Variants in TRIM14 observed in about 807,000 individuals in gnomAD.
The protein encoded by TRIM14 is tripartite motif containing 14.
In TRIM14, 28 loss-of-function variants were observed where a neutral mutation model predicts 44.5. The observed-to-expected ratio is 0.63, with a 90% confidence interval of 0.47 to 0.86. The LOEUF (loss-of-function observed/expected upper bound fraction) is 0.86, where lower values mean the gene tolerates loss of function less well. Ranked by LOEUF, TRIM14 falls within the 40% of genes least tolerant of loss-of-function variation. The probability of loss-of-function intolerance (pLI) is 0.00; values close to 1 mark genes in which losing one functional copy is unlikely to be tolerated. For missense variants in TRIM14, 607 were observed against 611.1 expected (o/e 0.99, Z 0.07); for synonymous variants, 299 against 269.2 (o/e 1.11, Z -1.08).
chr9:98,044,395 GAA>G, the TRIM14 span, among the ~76,000 whole-genome samples: 1 of 125,188 alleles, frequency 8.0e-6, no homozygotes, highest in African/African-American at 3.0e-5. Flanking sequence ...TTTTTTTTGA[GAA>G]AGAGTCTTGG....
the TRIM14 span, among the ~76,000 whole-genome samples, chr9:98,040,280 T>C: frequency 6.6e-6 from 1 of 152,184 alleles, no homozygotes; most frequent in Non-Finnish European, 1.5e-5. Context: ...AAGAAAGGGC[T>C]ATTTTCACTT....
At chr9:98,070,477 A>G (rs2131635436) in intron 6 of TRIM14, among the ~76,000 whole-genome samples, 1 of 152,006 alleles carries the variant, frequency 6.6e-6, no homozygotes, top group South Asian at 2.1e-4. Flanking sequence ...CCGGAGTGCA[A>G]TGGCGTGATC....
At chr9:98,106,826 T>TTA (rs201384569) in intron 2 of TRIM14, among the ~76,000 whole-genome samples, 1 of 131,772 alleles carries the variant, frequency 7.6e-6, no homozygotes. Flanking sequence ...TTCTTTCTTC[T>TTA]TTTTTTTTTT....
intron 2 of TRIM14, among the ~76,000 whole-genome samples, chr9:98,100,914 CTG>C (rs1278222106): frequency 6.6e-6 from 1 of 152,108 alleles, no homozygotes; most frequent in Non-Finnish European, 1.5e-5. Context: ...AACTAAAACA[CTG>C]TACATAAAGC....
At position 98,087,464 on chromosome 9, in the gene TRIM14, T is replaced by C. The variant is rs1339616697; in HGVS notation, c.*6A>G. ...TACCTGGAGGCTGTCACGCCGGTCC[T>C]GGCCCCTAGGGCAGCCGGGGGATGC... On this transcript the variant is annotated 3_prime_UTR_variant, in exon 6 of 6. Coordinates refer to ENST00000341469, the MANE Select transcript of TRIM14 (RefSeq NM_014788.4). 1 of 1,606,410 alleles carries C rather than the reference T, an allele frequency of 6.2e-7. No homozygotes were observed. Among genetic ancestry groups the C allele is most frequent in the Admixed American group, 1.7e-5 (1 of 59,410 alleles).
At position 98,086,410 on chromosome 9, in the gene TRIM14, T is replaced by A. The variant is rs557328766; in HGVS notation, c.*1060A>T. On this transcript the variant is annotated 3_prime_UTR_variant, in exon 6 of 6. Coordinates refer to ENST00000341469, the MANE Select transcript of TRIM14 (RefSeq NM_014788.4). ...GGCTGGGTGACCTGTGAGGCCCGCC[T>A]AACTCAGCTCTTCTGTTACTCAGTG... 1 of 152,372 alleles carries A rather than the reference T, an allele frequency of 6.6e-6. No homozygotes were observed. Among genetic ancestry groups the A allele is most frequent in the African/African-American group, 2.4e-5 (1 of 41,558 alleles). 9.4% of individuals were successfully genotyped at this position (152,372 alleles called of 1,614,324 possible).
intron 2 of TRIM14, among the ~76,000 whole-genome samples, chr9:98,101,916 G>A (rs1341282748): frequency 8.8e-5 from 13 of 147,948 alleles, no homozygotes; most frequent in Non-Finnish European, 7.4e-5. Flanking sequence ...GCTGAGGCTT[G>A]AGAATCACTT....
At chr9:98,054,367 T>C in the TRIM14 span, among the ~76,000 whole-genome samples, 519 of 152,266 alleles carry the variant, frequency 3.4e-3, 3 homozygotes, top group Middle Eastern at 0.017. Context: ...CCCCGAAATC[T>C]TACTGATTGA....
At chr9:98,100,193 A>T (rs1261747808) in intron 2 of TRIM14, 29 bp from the exon 3 acceptor site, 1 of 1,574,012 alleles carries the variant, frequency 6.4e-7, no homozygotes, top group Non-Finnish European at 8.7e-7. Flanking sequence ...GTTGCAGATG[A>T]CATGTCTGCC....
Position 98,087,777 on chromosome 9 carries a change from T to C in TRIM14, c.1022A>G (p.Tyr341Cys). 1 of 1,511,948 alleles carries C rather than the reference T, an allele frequency of 6.6e-7. No homozygotes were observed. The highest frequency in any genetic ancestry group is 1.2e-5 in the South Asian group (1 of 80,128). 93.7% of individuals were successfully genotyped at this position (1,511,948 alleles called of 1,614,324 possible). ...AGAGWWVGAA[Y>C]ASLRRRGASA... ...GGCCCCGCGGCGCCGAAGGGAGGCG[T>C]AGGCCGCGCCCACCCACCAGCCGGC... Residue 341 changes from tyrosine (Y) to cysteine (C), a missense_variant, in exon 6 of 6, where the codon TAC becomes TGC. This residue lies in a region of TRIM14 where 356 missense variants were observed against 323.0 expected (regional missense o/e 1.10). Coordinates refer to ENST00000341469, the MANE Select transcript of TRIM14 (RefSeq NM_014788.4).
At chr9:98,055,746 T>A in the TRIM14 span, among the ~76,000 whole-genome samples, 31,859 of 151,978 alleles carry the variant, frequency 0.21, 3,595 homozygotes, top group Admixed American at 0.26. Flanking sequence ...TTAATTAATT[T>A]ATTTATTTTT....
chr9:98,087,652 G>A lies in TRIM14; in HGVS notation c.1147C>T (p.Arg383Trp), dbSNP rs774476061. The A allele has an allele frequency of 1.9e-6, 3 of 1,603,796 alleles. No homozygotes were observed. In the African/African-American group the frequency reaches 4.0e-5, roughly 21 times the overall value. ...AGCCGGTCGAGGTCGTCGCGGGGCC[G>A]CAGGCGGCTGCGCTGGCCGTCGTGG... is the stretch of plus-strand genomic sequence containing the variant. ...AFHDGQRSRL[R>W]PRDDLDRLGV... is the part of the protein sequence containing the mutation. The change falls in exon 6 of 6, where the codon CGG (arginine) becomes TGG (tryptophan). Residue 383 changes from arginine (R) to tryptophan (W), a missense_variant. Coordinates refer to ENST00000341469, the MANE Select transcript of TRIM14 (RefSeq NM_014788.4).
At chr9:98,102,745 G>T (rs1282185428) in intron 2 of TRIM14, among the ~76,000 whole-genome samples, 1 of 152,020 alleles carries the variant, frequency 6.6e-6, no homozygotes, top group Non-Finnish European at 1.5e-5. Flanking sequence ...AAAAAGTTTT[G>T]GAAGTAGACA....
chr9:98,051,421 T>C, the TRIM14 span, among the ~76,000 whole-genome samples: 1 of 152,230 alleles, frequency 6.6e-6, no homozygotes, highest in Admixed American at 6.5e-5. Context: ...GCTGCACAGA[T>C]ACTTCTGTGC....
downstream of TRIM14, chr9:98,082,802 G>C: frequency 6.3e-7 from 1 of 1,584,884 alleles, no homozygotes; most frequent in Non-Finnish European, 8.6e-7. Flanking sequence ...GTGTGCACTA[G>C]TTACTTCTGT....
chr9:98,082,827 A>G (rs1372897420), downstream of TRIM14: 2 of 1,612,386 alleles, frequency 1.2e-6, no homozygotes, highest in Non-Finnish European at 1.7e-6. Flanking sequence ...CTGGCACTGA[A>G]TGTTCATTTT....
rs1048029484 is a variant in TRIM14 at position 98,099,940 on chromosome 9, C to T, written c.528G>A (p.Gln176=). 4.0e-5 allele frequency: 65 copies of T among 1,612,804 alleles called. No homozygotes were observed. Among genetic ancestry groups the T allele is most frequent in the Non-Finnish European group, 5.3e-5 (62 of 1,179,856 alleles). The change falls in exon 3 of 6, where the codon CAG becomes CAA. Residue 176 remains glutamine, a synonymous_variant. Coordinates refer to ENST00000341469, the MANE Select transcript of TRIM14 (RefSeq NM_014788.4). The part of the protein sequence containing the change: ...WSISQEPDPV[Q]RLQAYTATEQ... ...GTGACCCCAGCATTACCTGAAGCCT[C>T]TGGACAGGATCGGGCTCCTGGCTGA...
chr9:98,040,462 T>C, the TRIM14 span, among the ~76,000 whole-genome samples: 1 of 151,388 alleles, frequency 6.6e-6, no homozygotes, highest in Non-Finnish European at 1.5e-5. Flanking sequence ...CCTGCTTGTT[T>C]CTCCCAGGGC....
chr9:98,046,827 A>T, the TRIM14 span, among the ~76,000 whole-genome samples: 1 of 152,102 alleles, frequency 6.6e-6, no homozygotes, highest in Non-Finnish European at 1.5e-5. Context: ...CTAATTGATT[A>T]AAAAAAATTA....
Sources: gnomAD v4.1 joint callset for allele counts (sites outside exome capture counted in the v4.1 genomes callset) on GRCh38, gnomAD v4.1.1 for gene constraint, gnomAD v4.1.1 regional missense constraint, MANE v1.5 for transcripts, NCBI Gene and HGNC (gene_info 2026-07-23, HGNC 2026-07-21) for gene names.